Variants in DRC4 observed in about 807,000 individuals in gnomAD.
DRC4 encodes GAS-11.
At chr16:90,037,388 C>T in the DRC4 span, 2 of 1,612,380 alleles carry the variant, frequency 1.2e-6, no homozygotes, top group African/African-American at 1.3e-5. Context: ...GAGGGACAAG[C>T]AGATCCTGCT....
At chr16:90,031,620 G>A in the DRC4 span, 1 of 1,081,516 alleles carries the variant, frequency 9.2e-7, no homozygotes, top group Non-Finnish European at 1.3e-6. Context: ...CCTTAAAGGT[G>A]TTTTTTATAA....
At chr16:90,032,925 G>A in the DRC4 span, 1 of 1,612,672 alleles carries the variant, frequency 6.2e-7, no homozygotes, top group Non-Finnish European at 8.5e-7. Context: ...CCTGCGGCTG[G>A]TAGGTGTGGC....
chr16:90,027,278 T>C, the DRC4 span, among the ~76,000 whole-genome samples: 13 of 151,552 alleles, frequency 8.6e-5, no homozygotes, highest in East Asian at 2.0e-4. Context: ...TTAGTAGAGA[T>C]GGGGTTTCAC....
At chr16:90,037,146 G>C in the DRC4 span, 6 of 1,399,898 alleles carry the variant, frequency 4.3e-6, no homozygotes, top group African/African-American at 7.2e-5. Flanking sequence ...TGATGGGCAG[G>C]AGAGCACCCA....
At chr16:90,037,018 T>C in the DRC4 span, 2 of 594,510 alleles carry the variant, frequency 3.4e-6, no homozygotes. Context: ...AGTATAGTCC[T>C]TCAGTCTGCA....
chr16:90,021,636 G>A, the DRC4 span, among the ~76,000 whole-genome samples: 1 of 152,006 alleles, frequency 6.6e-6, no homozygotes, highest in African/African-American at 2.4e-5. Flanking sequence ...GGAGGCCGAG[G>A]CAGGAGGATC....
chr16:90,043,186 G>T, the DRC4 span: 1 of 1,604,450 alleles, frequency 6.2e-7, no homozygotes, highest in Non-Finnish European at 8.5e-7. Context: ...ACACTGCCCT[G>T]TCTCCACAGG....
At chr16:90,043,054 C>A in the DRC4 span, 1 of 951,620 alleles carries the variant, frequency 1.1e-6, no homozygotes, top group African/African-American at 1.7e-5. Flanking sequence ...AGCTGTGTCC[C>A]ACACGGGAAA....
chr16:90,033,023 T>G, the DRC4 span: 1 of 1,118,546 alleles, frequency 8.9e-7, no homozygotes, highest in Non-Finnish European at 1.3e-6. Context: ...TGGGAATTCA[T>G]ATTTCTGCAT....
At chr16:90,032,987 T>A in the DRC4 span, 2 of 1,363,942 alleles carry the variant, frequency 1.5e-6, no homozygotes, top group Non-Finnish European at 2.1e-6. Context: ...TAGTGCTGCA[T>A]GAACTCCTGT....
At chr16:90,037,043 C>T in the DRC4 span, 36,295 of 613,610 alleles carry the variant, frequency 0.059, 1,393 homozygotes, top group East Asian at 0.12. Context: ...AGCTGCATTC[C>T]CAGAAAACTC....
chr16:90,036,734 T>C, the DRC4 span: 1 of 763,426 alleles, frequency 1.3e-6, no homozygotes, highest in Admixed American at 2.0e-5. Flanking sequence ...TCTCATATCC[T>C]TAACTGAAAT....
the DRC4 span, among the ~76,000 whole-genome samples, chr16:90,026,776 A>G: frequency 8.6e-5 from 13 of 150,594 alleles, no homozygotes; most frequent in East Asian, 2.6e-3. Context: ...TTAAACTTCT[A>G]GGCTCAAGTG....
chr16:90,028,165 A>G, the DRC4 span, among the ~76,000 whole-genome samples: 1 of 130,526 alleles, frequency 7.7e-6, no homozygotes, highest in Non-Finnish European at 1.6e-5. Context: ...GAATCTGATT[A>G]ATCGTTCATT....
chr16:90,041,632 C>T, the DRC4 span, among the ~76,000 whole-genome samples: 61 of 152,148 alleles, frequency 4.0e-4, no homozygotes, highest in Non-Finnish European at 6.8e-4. Flanking sequence ...GGTGAAACCC[C>T]GTCTCTACTA....
At chr16:90,027,930 G>A in the DRC4 span, 1 of 575,036 alleles carries the variant, frequency 1.7e-6, no homozygotes, top group South Asian at 2.2e-5. Context: ...CTGTGAAAGA[G>A]CTTTGTAACA....
At chr16:90,029,075 C>G in the DRC4 span, 1 of 1,216,294 alleles carries the variant, frequency 8.2e-7, no homozygotes, top group Non-Finnish European at 1.1e-6. Flanking sequence ...GAGCTGCTGC[C>G]CGTCTCCCTG....
the DRC4 span, chr16:90,043,688 G>A: frequency 2.1e-5 from 11 of 515,664 alleles, no homozygotes; most frequent in Non-Finnish European, 3.9e-5. Context: ...GCCTGTCTTC[G>A]CGCCACTGTT....
At chr16:90,029,556 C>T in the DRC4 span, 77 of 313,862 alleles carry the variant, frequency 2.5e-4, no homozygotes, top group South Asian at 1.6e-3. Context: ...AGACATTTGT[C>T]GTTGTGCCGA....
Sources: gnomAD v4.1 joint callset for allele counts (sites outside exome capture counted in the v4.1 genomes callset) on GRCh38, gnomAD v4.1.1 for gene constraint, MANE v1.5 for transcripts, NCBI Gene and HGNC (gene_info 2026-07-23, HGNC 2026-07-21) for gene names.